The following ADARB1 variants were observed in gnomAD, a reference collection of about 807,000 sequenced individuals.
The protein encoded by ADARB1 is double-stranded RNA-specific editase 1.
A neutral mutation model predicts 52.4 loss-of-function variants in ADARB1; 10 were observed. The observed-to-expected ratio is 0.19, with a 90% confidence interval of 0.12 to 0.32. ADARB1 has a LOEUF of 0.32. Among genes scored for constraint, ADARB1 ranks in the 10% least tolerant of loss-of-function variants. The probability of loss-of-function intolerance (pLI) is 1.00; values close to 1 mark genes in which losing one functional copy is unlikely to be tolerated. For synonymous variants in ADARB1, 349 were observed against 371.1 expected (o/e 0.94, Z 0.68); for missense variants, 643 against 922.3 (o/e 0.70, Z 3.92).
chr21:45,212,989 G>C (rs141275338), intron 9 of ADARB1, among the ~76,000 whole-genome samples: 34 of 152,290 alleles, frequency 2.2e-4, no homozygotes, highest in African/African-American at 7.9e-4. Flanking sequence ...GCATGGTTCT[G>C]GGTGTTGGGA....
At chr21:45,196,922 C>T (rs1205232460) in intron 8 of ADARB1, among the ~76,000 whole-genome samples, 1 of 152,118 alleles carries the variant, frequency 6.6e-6, no homozygotes, top group Non-Finnish European at 1.5e-5. Context: ...CAGCCAGGCA[C>T]GGTGGCTCAT....
At chr21:45,206,138 CATG>C (rs1306194583) in intron 9 of ADARB1, among the ~76,000 whole-genome samples, 6 of 152,242 alleles carry the variant, frequency 3.9e-5, no homozygotes, top group African/African-American at 1.4e-4. Flanking sequence ...GTGAATTTCT[CATG>C]ATTCAGAAAA....
intron 1 of ADARB1, among the ~76,000 whole-genome samples, chr21:45,122,808 G>A (rs1311068004): frequency 2.6e-5 from 4 of 152,152 alleles, no homozygotes; most frequent in South Asian, 2.1e-4. Flanking sequence ...CTCCAACCAC[G>A]ATCTCCTTGA....
At chr21:45,114,036 G>A (rs1196919647) in intron 1 of ADARB1, among the ~76,000 whole-genome samples, 1 of 152,152 alleles carries the variant, frequency 6.6e-6, no homozygotes, top group Non-Finnish European at 1.5e-5. Context: ...GGCATTAAGT[G>A]TTCTTTTAAT....
chr21:45,136,129 A>G (rs1569052422), intron 2 of ADARB1, among the ~76,000 whole-genome samples: 1 of 151,930 alleles, frequency 6.6e-6, no homozygotes, highest in Non-Finnish European at 1.5e-5. Context: ...GTGGAGGACC[A>G]CGAACTCCCT....
chr21:45,111,304 C>CTT (rs1459685304), intron 1 of ADARB1, among the ~76,000 whole-genome samples: 1 of 152,178 alleles, frequency 6.6e-6, no homozygotes, highest in Admixed American at 6.5e-5. Flanking sequence ...TTTTAATAAA[C>CTT]TTTATTTTTT....
At chr21:45,163,363 C>T (rs1047152782) in intron 2 of ADARB1, among the ~76,000 whole-genome samples, 1 of 152,226 alleles carries the variant, frequency 6.6e-6, no homozygotes, top group Non-Finnish European at 1.5e-5. Context: ...TGGAAGCATC[C>T]ACGTTCTTCC....
At chr21:45,078,634 C>T (rs1265799811) in intron 1 of ADARB1, among the ~76,000 whole-genome samples, 2 of 152,150 alleles carry the variant, frequency 1.3e-5, no homozygotes, top group Non-Finnish European at 2.9e-5. Flanking sequence ...CCATTGCTGC[C>T]AGAGAGGCTG....
rs1208488792 is a variant in ADARB1 at position 45,175,780 on chromosome 21, C to A, written c.79C>A (p.Pro27Thr). Residue 27 changes from proline (P) to threonine (T), a missense_variant, in exon 4 of 11, where the codon CCC becomes ACC. Physicochemically the swap from Pro to Thr is conservative, Grantham distance 38. Around this residue, in one of 2 missense-constraint regions of ADARB1, gnomAD observed 380 missense variants for 446.5 expected, o/e 0.85. Coordinates refer to ENST00000348831, the MANE Select transcript of ADARB1 (RefSeq NM_001112.4). ...KENRNLDNVS[P>T]KDGSTPGPGE... ...AAACCGCAATCTGGACAACGTGTCCCCCAAGGATGGCAGCACACCTGGGCC... is the reference window on the plus strand; with the variant it reads ...AAACCGCAATCTGGACAACGTGTCCACCAAGGATGGCAGCACACCTGGGCC... 6.2e-7 allele frequency: 1 copy of A among 1,614,044 alleles called. No homozygotes were observed. The highest frequency in any genetic ancestry group is 1.3e-5 in the African/African-American group (1 of 74,922).
At chr21:45,209,297 A>T (rs1280316250) in intron 9 of ADARB1, among the ~76,000 whole-genome samples, 1 of 152,154 alleles carries the variant, frequency 6.6e-6, no homozygotes, top group Non-Finnish European at 1.5e-5. Context: ...AATTGTTTAG[A>T]TGAAGCCGTA....
Position 45,224,340 on chromosome 21 carries a change from C to A in ADARB1, c.*2143C>A. ...CCACCCCAAATAAGTGAGTGCCTCA[C>A]CTTGTGGGGCCTGAGCAGCTACCTT... On this transcript the variant is annotated 3_prime_UTR_variant, in exon 11 of 11. Transcript: ENST00000348831. 1.0e-6 allele frequency: 1 copy of A among 985,482 alleles called. No homozygotes were observed. The highest frequency in any genetic ancestry group is 1.2e-6 in the Non-Finnish European group (1 of 830,018). 61.0% of individuals were successfully genotyped at this position (985,482 alleles called of 1,614,324 possible). A position where few individuals can be genotyped will look rare whatever the true frequency, so the allele number is the denominator to read the frequency against.
intron 9 of ADARB1, among the ~76,000 whole-genome samples, chr21:45,218,067 A>T (rs1194643238): frequency 6.6e-6 from 1 of 152,066 alleles, no homozygotes; most frequent in African/African-American, 2.4e-5. Context: ...GATTCATTGA[A>T]ATTCTTTAAT....
chr21:45,152,550 C>T (rs1490820980), intron 2 of ADARB1: 6 of 312,374 alleles, frequency 1.9e-5, no homozygotes, highest in African/African-American at 4.5e-5. Context: ...GCTGCTGCCC[C>T]GAGTGACTGA....
Position 45,176,445 on chromosome 21 carries a change from G to A in ADARB1, c.744G>A (p.Lys248=). The A allele has an allele frequency of 5.6e-6, 9 of 1,614,210 alleles. No homozygotes were observed. The highest frequency in any genetic ancestry group is 7.6e-6 in the Non-Finnish European group (9 of 1,180,036). ...TGAACGAACTGCGCCCAGGACTCAA[G>A]TATGACTTCCTCTCCGAGAGCGGGG... ...MILNELRPGL[K]YDFLSESGES... is the part of the protein sequence containing the mutation. Residue 248 remains lysine (K), a synonymous_variant, in exon 4 of 11, where the codon AAG becomes AAA. Transcript: ENST00000348831. The surrounding 1 kb of genome is among the most constrained non-coding windows in gnomAD (Gnocchi z 5.8).
At position 45,118,331 on chromosome 21, in the gene ADARB1, G is replaced by C. The variant is rs141387903; in HGVS notation, c.-219-10071G>C. Among the ~76,000 whole-genome samples the C allele has an allele frequency of 3.3e-3, 505 of 152,020 alleles. 1 individual carries two copies. Among genetic ancestry groups the C allele is most frequent in the African/African-American group, 0.011 (476 of 41,450 alleles). On this transcript the variant is annotated intron_variant, in intron 1 of 10. Coordinates refer to ENST00000348831, the MANE Select transcript of ADARB1 (RefSeq NM_001112.4). ...TCCTTAATCCACTTCCTTATAGAAT[G>C]GATGGCTGACAGACTTCTTAATTCA...
At chr21:45,190,206 C>A (rs189789714) in intron 8 of ADARB1, among the ~76,000 whole-genome samples, 1 of 152,038 alleles carries the variant, frequency 6.6e-6, no homozygotes, top group East Asian at 1.9e-4. Context: ...TTCTTTTTTC[C>A]ACCTCATCAA....
chr21:45,171,638 C>A lies in ADARB1; in HGVS notation c.-19C>A. 5 of 1,613,662 alleles carry A rather than the reference C, an allele frequency of 3.1e-6. No individual in the cohort carries two copies. Among genetic ancestry groups the A allele is most frequent in the Non-Finnish European group, 4.2e-6 (5 of 1,179,666 alleles). On this transcript the variant is annotated 5_prime_UTR_variant, in exon 3 of 11. Transcript: ENST00000348831. ...GAAACAGTCTCCGCCAGTCAAGAAA[C>A]CCTCAAAAGTATTTTGCCATGGATA...
chr21:45,118,418 TGACA>T (rs1978037580), intron 1 of ADARB1: 1 of 152,258 alleles, frequency 6.6e-6, no homozygotes, highest in African/African-American at 2.4e-5. Flanking sequence ...AATGGATGGC[TGACA>T]GACTTCTTGG....
At chr21:45,129,505 C>G (rs1332365201) in intron 2 of ADARB1, among the ~76,000 whole-genome samples, 2 of 152,196 alleles carry the variant, frequency 1.3e-5, no homozygotes, top group Non-Finnish European at 2.9e-5. Context: ...GCTCCTGTGT[C>G]CATTTGCTCT....
Sources: gnomAD v4.1 joint callset for allele counts (sites outside exome capture counted in the v4.1 genomes callset) on GRCh38, gnomAD v4.1.1 for gene constraint, gnomAD v4.1.1 regional missense constraint, Gnocchi (gnomAD v3.1) non-coding constraint, MANE v1.5 for transcripts, NCBI Gene and HGNC (gene_info 2026-07-23, HGNC 2026-07-21) for gene names.